CANX: variants seen among roughly 807,000 people sequenced by gnomAD.
The protein encoded by CANX is epididymis secretory sperm binding protein.
Under a neutral mutation model 75.7 loss-of-function variants are expected in CANX, and 14 were observed. The ratio of observed to expected loss-of-function variants is 0.19; its 90% CI spans 0.12 to 0.29. CANX has a LOEUF of 0.29. CANX is among the 10% of genes least tolerant of loss of function. The probability of loss-of-function intolerance (pLI) is 1.00; values close to 1 mark genes in which losing one functional copy is unlikely to be tolerated. For synonymous variants in CANX, 227 were observed against 236.9 expected, an observed-to-expected ratio of 0.96 and a Z score of 0.38; for missense variants, 567 against 713.2, an observed-to-expected ratio of 0.79 and a Z score of 2.34.
intron 4 of CANX, among the ~76,000 whole-genome samples, chr5:179,707,406 A>C (rs1777207280): frequency 6.6e-6 from 1 of 152,078 alleles, no homozygotes; most frequent in African/African-American, 2.4e-5. Context: ...AACACAGTGA[A>C]ACCCCGTCTC....
chr5:179,683,037 C>T (rs994162271), intron 1 of CANX, among the ~76,000 whole-genome samples: 18 of 152,256 alleles, frequency 1.2e-4, no homozygotes, highest in African/African-American at 3.6e-4. Context: ...CAGGAGCTCA[C>T]AAGCTGGGGC....
intron 14 of CANX, among the ~76,000 whole-genome samples, chr5:179,728,055 A>G (rs1778775388): frequency 6.6e-6 from 1 of 152,216 alleles, no homozygotes; most frequent in South Asian, 2.1e-4. Flanking sequence ...CTTAACTAGA[A>G]TGCAATTCTT....
upstream of CANX, chr5:179,698,933 C>G (rs1166994019): frequency 8.8e-7 from 1 of 1,138,072 alleles, no homozygotes; most frequent in South Asian, 1.7e-5. Context: ...GGGCACAGGG[C>G]CGGGCTTCGT....
intron 1 of CANX, among the ~76,000 whole-genome samples, chr5:179,679,746 C>T (rs1392785238): frequency 6.6e-6 from 1 of 152,000 alleles, no homozygotes; most frequent in Non-Finnish European, 1.5e-5. Context: ...GCAACCTCCA[C>T]CTCCCGGGTT....
intron 4 of CANX, 49 bp from the exon 5 acceptor site, chr5:179,708,190 C>T: frequency 6.4e-7 from 1 of 1,554,836 alleles, no homozygotes; most frequent in Non-Finnish European, 8.9e-7. Context: ...ATTTAAAGGA[C>T]CTTCAGAGGT....
At chr5:179,679,348 C>T (rs1775993563) in intron 1 of CANX, 2 of 1,201,396 alleles carry the variant, frequency 1.7e-6, no homozygotes, top group East Asian at 2.6e-5. Flanking sequence ...TGTCTTAGCC[C>T]TGCAGCTACG....
In CANX at chr5:179,728,622, A is replaced by T; in HGVS notation, c.1757A>T (p.Asn586Ile). Residue 586 changes from asparagine to isoleucine, a missense_variant, in exon 15 of 15, where the codon AAC (asparagine) becomes ATC (isoleucine). Coordinates refer to ENST00000247461, the MANE Select transcript of CANX (RefSeq NM_001746.4). ...GAAATTTTGAACAGATCACCAAGAAACAGAAAGCCACGAAGAGAGTGAAAC... is the reference window on the plus strand; with the variant it reads ...GAAATTTTGAACAGATCACCAAGAATCAGAAAGCCACGAAGAGAGTGAAAC... The part of the protein sequence containing the change: ...EDEILNRSPR[N>I]RKPRRE 6.2e-7 allele frequency: 1 copy of T among 1,608,902 alleles called. No homozygotes were observed. Among genetic ancestry groups the T allele is most frequent in the Non-Finnish European group, 8.5e-7 (1 of 1,175,312 alleles).
chr5:179,685,779 T>C (rs561913941), intron 1 of CANX, among the ~76,000 whole-genome samples: 10 of 151,902 alleles, frequency 6.6e-5, no homozygotes, highest in Non-Finnish European at 1.3e-4. Context: ...GGTCTCAAAC[T>C]CCAGACTTCA....
At chr5:179,686,898 C>T (rs1776199519) in intron 1 of CANX, among the ~76,000 whole-genome samples, 1 of 152,220 alleles carries the variant, frequency 6.6e-6, no homozygotes, top group Non-Finnish European at 1.5e-5. Context: ...CTGCCTCAGC[C>T]TCCTGAGTAG....
At chr5:179,685,116 G>A (rs1776167229) in intron 1 of CANX, among the ~76,000 whole-genome samples, 1 of 150,798 alleles carries the variant, frequency 6.6e-6, no homozygotes, top group Non-Finnish European at 1.5e-5. Flanking sequence ...TTTAATTTTT[G>A]GAGGCAGAGT....
intron 1 of CANX, among the ~76,000 whole-genome samples, chr5:179,685,623 C>T (rs1186894779): frequency 8.0e-5 from 11 of 138,318 alleles, no homozygotes; most frequent in African/African-American, 2.2e-4. Flanking sequence ...GGCGTGATCT[C>T]GGCTCACTGA....
intron 7 of CANX, among the ~76,000 whole-genome samples, chr5:179,711,541 C>T (rs1444388637): frequency 6.6e-6 from 1 of 152,148 alleles, no homozygotes; most frequent in Non-Finnish European, 1.5e-5. Context: ...ATAATCCCAG[C>T]ACTTTGGGTG....
At chr5:179,691,654 C>T (rs544095506) in intron 1 of CANX, among the ~76,000 whole-genome samples, 1 of 152,330 alleles carries the variant, frequency 6.6e-6, no homozygotes, top group East Asian at 1.9e-4. Flanking sequence ...ACTGCAATCC[C>T]AGCTCGGGAT....
intron 8 of CANX, among the ~76,000 whole-genome samples, chr5:179,717,356 T>C (rs1049290884): frequency 6.6e-6 from 1 of 152,158 alleles, no homozygotes; most frequent in Non-Finnish European, 1.5e-5. Flanking sequence ...CCTGTACCCA[T>C]TAAGCGGCCA....
upstream of CANX, chr5:179,698,324 C>A (rs1776481229): frequency 3.0e-5 from 25 of 842,412 alleles, no homozygotes; most frequent in South Asian, 4.8e-4. Context: ...TTATTCTGGA[C>A]TGTGTGTTAT....
intron 7 of CANX, among the ~76,000 whole-genome samples, chr5:179,711,919 G>T (rs1403905414): frequency 2.0e-5 from 3 of 151,748 alleles, no homozygotes; most frequent in African/African-American, 7.3e-5. Context: ...CCAACATGGT[G>T]AAACGTCATC....
At chr5:179,713,181 C>T (rs1266476241) in intron 7 of CANX, among the ~76,000 whole-genome samples, 4 of 151,674 alleles carry the variant, frequency 2.6e-5, no homozygotes, top group Non-Finnish European at 5.9e-5. Flanking sequence ...TCCCAGGTTC[C>T]AGTGATTCTC....
At chr5:179,690,895 A>T (rs945125465) in intron 1 of CANX, among the ~76,000 whole-genome samples, 5 of 152,212 alleles carry the variant, frequency 3.3e-5, no homozygotes, top group Non-Finnish European at 5.9e-5. Flanking sequence ...TCAAAAAAAA[A>T]AATAATAAGT....
At chr5:179,714,494 TCTAA>T (rs1777791117) in intron 7 of CANX, among the ~76,000 whole-genome samples, 1 of 152,082 alleles carries the variant, frequency 6.6e-6, no homozygotes, top group African/African-American at 2.4e-5. Flanking sequence ...ACATGCTATA[TCTAA>T]CTTTTTTATT....
Sources: gnomAD v4.1 joint callset for allele counts (sites outside exome capture counted in the v4.1 genomes callset) on GRCh38, gnomAD v4.1.1 for gene constraint, MANE v1.5 for transcripts, NCBI Gene and HGNC (gene_info 2026-07-23, HGNC 2026-07-21) for gene names.